The following CHAT variants were observed in gnomAD, a reference collection of about 807,000 sequenced individuals.
CHAT encodes the protein acetyl CoA:choline O-acetyltransferase.
In CHAT, 61 loss-of-function variants were observed where a neutral mutation model predicts 76.9. That is an observed-to-expected ratio of 0.79 (90% CI 0.65 to 0.98). The LOEUF (loss-of-function observed/expected upper bound fraction) is 0.98, where lower values mean the gene tolerates loss of function less well. Among genes scored for constraint, CHAT ranks in the 50% least tolerant of loss-of-function variants. The pLI is 0.00. For synonymous variants in CHAT, 407 were observed against 397.4 expected (o/e 1.02, Z -0.29); for missense variants, 946 against 986.9 (o/e 0.96, Z 0.56).
At chr10:49,619,622 G>A (rs1355617963) in intron 2 of CHAT, 103 bp from the exon 3 acceptor site, 2 of 1,170,334 alleles carry the variant, frequency 1.7e-6, no homozygotes, top group South Asian at 1.3e-5. Flanking sequence ...CCAGGGTAGA[G>A]AACAACACAG....
At chr10:49,634,255 CCTAGTCTATATGAAGATAGCAGT>C (rs1440165083) in intron 7 of CHAT, among the ~76,000 whole-genome samples, 1 of 152,222 alleles carries the variant, frequency 6.6e-6, no homozygotes, top group Non-Finnish European at 1.5e-5. Flanking sequence ...GCCTGGGCTT[CCTAGTCTATATGAAGATAGCAGT>C]CTGCCCTGTG....
chr10:49,654,944 C>T, intron 11 of CHAT, 151 bp from the exon 12 acceptor site: 1 of 881,962 alleles, frequency 1.1e-6, no homozygotes, highest in Non-Finnish European at 1.8e-6. Context: ...TTGGGAATTC[C>T]CTCTAGAATT....
chr10:49,616,374 C>T (rs1838495148), intron 1 of CHAT, 128 bp from the exon 2 acceptor site: 1 of 769,414 alleles, frequency 1.3e-6, no homozygotes, highest in South Asian at 1.5e-5. Flanking sequence ...CAATGAGACC[C>T]CTATACACAG....
intron 7 of CHAT, among the ~76,000 whole-genome samples, chr10:49,633,813 G>A (rs769864015): frequency 1.1e-4 from 16 of 152,200 alleles, no homozygotes; most frequent in Non-Finnish European, 1.6e-4. Context: ...AGAGGCAGAT[G>A]CTTTTCGTTT....
chr10:49,612,155 T>C, upstream of CHAT: 1 of 1,611,328 alleles, frequency 6.2e-7, no homozygotes, highest in Non-Finnish European at 8.5e-7. Context: ...CTCCGCAACG[T>C]GGGCCTCCTG....
At chr10:49,636,329 T>C (rs1315406809) in intron 7 of CHAT, among the ~76,000 whole-genome samples, 2 of 152,166 alleles carry the variant, frequency 1.3e-5, no homozygotes, top group African/African-American at 2.4e-5. Context: ...TTTTCAGATA[T>C]TGAACCAGGC....
chr10:49,646,516 C>T lies in CHAT; in HGVS notation c.1123C>T (p.Arg375Trp), dbSNP rs141794970. The T allele has an allele frequency of 2.5e-4, 405 of 1,614,062 alleles. 2 individuals are homozygous for T. Among genetic ancestry groups the T allele is most frequent in the Admixed American group, 1.5e-4 (9 of 60,006 alleles). ...TGCCTCCCCTGCAGACTCCACCAAC[C>T]GGGACTCGCTGGACATGATTGAGCG... The part of the protein sequence containing the change: ...RTVLVKDSTN[R>W]DSLDMIERCI... Residue 375 changes from arginine to tryptophan, a missense_variant, in exon 8 of 15, where the codon CGG (arginine) becomes TGG (tryptophan). By Grantham distance (101) the Arg-to-Trp change is moderately radical. Coordinates refer to ENST00000337653, the MANE Select transcript of CHAT (RefSeq NM_020549.5).
chr10:49,624,706 TGGAA>T (rs201389257), intron 5 of CHAT, among the ~76,000 whole-genome samples: 2,547 of 149,974 alleles, frequency 0.017, 63 homozygotes, highest in African/African-American at 0.057. Context: ...GCTGAAAGAG[TGGAA>T]GGAAGGAAGG....
upstream of CHAT, chr10:49,611,682 G>T: frequency 6.2e-7 from 1 of 1,610,760 alleles, no homozygotes. Flanking sequence ...CCATTGCCAC[G>T]TGGATGAAGC....
chr10:49,641,627 C>T lies in CHAT; in HGVS notation c.1112-4878C>T, dbSNP rs550676122. Among the ~76,000 whole-genome samples, 4 of 152,220 alleles carry T rather than the reference C, an allele frequency of 2.6e-5. No individual in the cohort carries two copies. In the South Asian group the frequency reaches 6.2e-4, roughly 24 times the overall value. On this transcript the variant is annotated intron_variant, in intron 7 of 14. Coordinates refer to ENST00000337653, the MANE Select transcript of CHAT (RefSeq NM_020549.5). ...ATGAGATGTGCGATGGCAGATTTAC[C>T]TCCCAAAAGAAAAAAGTACTCCTTC...
At chr10:49,649,952 A>C (rs1170878926) in intron 10 of CHAT, among the ~76,000 whole-genome samples, 1 of 122,242 alleles carries the variant, frequency 8.2e-6, no homozygotes, top group Non-Finnish European at 1.7e-5. Context: ...CTTTAGGGGG[A>C]GTAATAAACA....
Position 49,664,976 on chromosome 10 carries a change from C to G in CHAT, c.2177C>G (p.Pro726Arg), listed in dbSNP as rs79414242. ...IDMRDLCSLLPPTESKPLATK... is the reference protein window; with the variant it reads ...IDMRDLCSLLRPTESKPLATK... ...ATGAGAGACCTCTGCAGTCTGCTGC[C>G]GCCTACTGAGAGCAAGCCATTGGCA... Residue 726 changes from proline (P) to arginine (R), a missense_variant, in exon 15 of 15, where the codon CCG (proline) becomes CGG (arginine). By Grantham distance (103) the Pro-to-Arg change is moderately radical. Coordinates refer to ENST00000337653, the MANE Select transcript of CHAT (RefSeq NM_020549.5). 4 of 1,614,216 alleles carry G rather than the reference C, an allele frequency of 2.5e-6. No homozygotes were observed. In the South Asian group the frequency reaches 3.3e-5, roughly 13 times the overall value.
intron 7 of CHAT, among the ~76,000 whole-genome samples, 162 bp downstream of exon 7, chr10:49,627,947 A>C (rs1270800836): frequency 6.6e-6 from 1 of 151,720 alleles, no homozygotes; most frequent in East Asian, 1.9e-4. Flanking sequence ...CTTGCCACCG[A>C]AGCCACCTTT....
chr10:49,629,829 G>A (rs569419111), intron 7 of CHAT, among the ~76,000 whole-genome samples: 117 of 152,332 alleles, frequency 7.7e-4, no homozygotes, highest in African/African-American at 1.9e-3. Flanking sequence ...CCTCCCCAGA[G>A]CAGCCCTGCC....
intron 1 of CHAT, among the ~76,000 whole-genome samples, chr10:49,615,569 G>C (rs1838460435): frequency 6.6e-6 from 1 of 152,214 alleles, no homozygotes; most frequent in African/African-American, 2.4e-5. Flanking sequence ...GAGGGGTGAG[G>C]AAATTAGCTA....
intron 6 of CHAT, among the ~76,000 whole-genome samples, chr10:49,626,743 G>A (rs890203076): frequency 6.6e-6 from 1 of 152,208 alleles, no homozygotes; most frequent in African/African-American, 2.4e-5. Context: ...GGAGGGGAAG[G>A]GAAAACAAGG....
chr10:49,611,265 C>T (rs375171478), upstream of CHAT: 7 of 1,612,414 alleles, frequency 4.3e-6, no homozygotes, highest in South Asian at 4.4e-5. Flanking sequence ...CCGAGGACTA[C>T]GCCACGCTGT....
chr10:49,611,635 A>G (rs758164809), upstream of CHAT: 1 of 1,611,812 alleles, frequency 6.2e-7, no homozygotes, highest in East Asian at 2.2e-5. Context: ...CGGCGCGCTC[A>G]CCACCTGTAA....
chr10:49,632,850 A>C (rs193196008), intron 7 of CHAT, among the ~76,000 whole-genome samples: 103 of 152,328 alleles, frequency 6.8e-4, no homozygotes, highest in Middle Eastern at 6.8e-3. Context: ...AGGGACTGCC[A>C]GGGTGGCACA....
Sources: allele counts gnomAD v4.1 joint callset (sites outside exome capture counted in the v4.1 genomes callset), GRCh38; gene constraint gnomAD v4.1.1; transcripts MANE v1.5; gene names NCBI Gene and HGNC (gene_info 2026-07-23, HGNC 2026-07-21).